Variants in DAAM2 observed in about 807,000 individuals in gnomAD.
DAAM2 encodes disheveled-associated activator of morphogenesis 2.
A neutral mutation model predicts 120.7 loss-of-function variants in DAAM2; 39 were observed. That is an observed-to-expected ratio of 0.32 (90% CI 0.25 to 0.42). DAAM2 has a LOEUF of 0.42. Ranked by LOEUF, DAAM2 falls within the 10% of genes least tolerant of loss-of-function variation. The pLI is 1.00. For synonymous variants in DAAM2, 488 were observed against 524.9 expected, an observed-to-expected ratio of 0.93 and a Z score of 0.96; for missense variants, 1,283 against 1,401.7, an observed-to-expected ratio of 0.92 and a Z score of 1.35.
chr6:39,869,780 T>TA lies in DAAM2; in HGVS notation c.874-555dup, dbSNP rs35807167. Among the ~76,000 whole-genome samples the TA allele has an allele frequency of 2.1e-3, 208 of 99,212 alleles. 3 individuals are homozygous for TA. The East Asian group carries it at 0.024, about 11-fold the overall frequency. The allele number at this position is 99,212 out of a possible 152,430, so 65.1% of individuals were successfully genotyped here. The stretch of plus-strand genomic sequence containing the variant: ...TTTTTTTTTTTTTTTTTTTTTTTTT[T>TA]AAAAACAATTTATCTTTATGCCCTG... On this transcript the variant is annotated intron_variant, in intron 7 of 24. Coordinates refer to ENST00000274867, the MANE Select transcript of DAAM2 (RefSeq NM_001201427.2).
chr6:39,829,469 G>C lies in DAAM2; in HGVS notation c.-56-26778G>C, dbSNP rs921148423. On this transcript the variant is annotated intron_variant, in intron 1 of 24. Transcript: ENST00000274867. ...GGGTGATGGACAGAACCCCATGGTT[G>C]GTTCCCTCTTAAGAGGCTTGTGTTG... 9.2e-5 allele frequency among the ~76,000 whole-genome samples: 14 copies of C among 152,178 alleles called. No homozygotes were observed. In the East Asian group the frequency reaches 2.5e-3, roughly 27 times the overall value.
At chr6:39,811,513 A>C (rs1762161566) in intron 1 of DAAM2, among the ~76,000 whole-genome samples, 1 of 151,980 alleles carries the variant, frequency 6.6e-6, no homozygotes, top group Non-Finnish European at 1.5e-5. Context: ...GGCAACACCA[A>C]ATGGCAACCC....
intron 16 of DAAM2, chr6:39,888,468 C>T (rs1304173225): frequency 9.1e-6 from 4 of 439,380 alleles, no homozygotes; most frequent in South Asian, 9.6e-5. Context: ...GAGACCCTCA[C>T]GTCTCTATTT....
intron 7 of DAAM2, among the ~76,000 whole-genome samples, chr6:39,869,341 T>C (rs138181021): frequency 1.3e-5 from 2 of 152,184 alleles, no homozygotes; most frequent in African/African-American, 4.8e-5. Context: ...TCCCAGCACT[T>C]TGAGAGGCCT....
In DAAM2 at chr6:39,903,949, C is replaced by T. The variant is rs117022372; in HGVS notation, c.*1912C>T. 36 of 346,954 alleles carry T rather than the reference C, an allele frequency of 1.0e-4. No individual in the cohort carries two copies. The East Asian group carries it at 2.5e-3, about 24-fold the overall frequency. 21.5% of individuals were successfully genotyped at this position (346,954 alleles called of 1,614,324 possible). On this transcript the variant is annotated 3_prime_UTR_variant, in exon 25 of 25. Coordinates refer to ENST00000274867, the MANE Select transcript of DAAM2 (RefSeq NM_001201427.2). The stretch of plus-strand genomic sequence containing the variant: ...CAGCTGCAGAGAGTTTGGCTATATG[C>T]ATCTGCAGCCCCAAGAGCTCCCACT...
At chr6:39,826,569 C>T (rs1189560986) in intron 1 of DAAM2, among the ~76,000 whole-genome samples, 2 of 152,148 alleles carry the variant, frequency 1.3e-5, no homozygotes, top group Non-Finnish European at 2.9e-5. Context: ...GAGAACATAT[C>T]CAATTTGCCT....
chr6:39,809,791 C>G (rs1561996823), intron 1 of DAAM2, among the ~76,000 whole-genome samples: 2 of 152,198 alleles, frequency 1.3e-5, no homozygotes, highest in South Asian at 4.1e-4. Context: ...AATTTATATT[C>G]AGCTATAGCC....
rs1766602593 is a variant in DAAM2 at position 39,903,472 on chromosome 6, T to C, written c.*1435T>C. 6.6e-6 allele frequency: 1 copy of C among 152,280 alleles called. No homozygotes were observed. The highest frequency in any genetic ancestry group is 6.5e-5 in the Admixed American group (1 of 15,286). The allele number at this position is 152,280 out of a possible 1,614,324, so 9.4% of individuals were successfully genotyped here. ...TGCTGGCCTTGGTGGATGGGATGGC[T>C]GTATCTAGACAAAATTTTTCTAAAA... On this transcript the variant is annotated 3_prime_UTR_variant, in exon 25 of 25. Coordinates refer to ENST00000274867, the MANE Select transcript of DAAM2 (RefSeq NM_001201427.2).
At chr6:39,792,920 T>TC (rs1167418750) in intron 1 of DAAM2, 1 of 152,128 alleles carries the variant, frequency 6.6e-6, no homozygotes, top group Non-Finnish European at 1.5e-5. Flanking sequence ...AGCCCCCAGC[T>TC]CCCACTTGCA....
At position 39,864,895 on chromosome 6, in the gene DAAM2, G is replaced by A. The variant is rs1434690927; in HGVS notation, c.334-85G>A. The A allele has an allele frequency of 1.6e-5, 24 of 1,520,672 alleles. No individual in the cohort carries two copies. The South Asian group carries it at 2.9e-4, about 18-fold the overall frequency. The allele number at this position is 1,520,672 out of a possible 1,614,324, so 94.2% of individuals were successfully genotyped here. On this transcript the variant is annotated intron_variant, in intron 4 of 24. Transcript: ENST00000274867. ...TTCCCTGAGGCCTCACCCTTTCTGA[G>A]GCAAGCATGGCCCCTGGGTCACACC... is the stretch of plus-strand genomic sequence containing the variant.
intron 22 of DAAM2, 39 bp from the exon 23 acceptor site, chr6:39,900,038 T>A (rs1261091876): frequency 6.3e-7 from 1 of 1,583,386 alleles, no homozygotes; most frequent in African/African-American, 1.3e-5. Flanking sequence ...ACTCTCATCT[T>A]GGCACCAGTC....
At chr6:39,856,161 G>A (rs1341520672) in intron 1 of DAAM2, 86 bp from the exon 2 acceptor site, 2 of 1,280,846 alleles carry the variant, frequency 1.6e-6, no homozygotes, top group East Asian at 3.1e-5. Flanking sequence ...CAACCTGTGG[G>A]ACAGAGGTTA....
intron 11 of DAAM2, among the ~76,000 whole-genome samples, chr6:39,877,840 T>C (rs1764932737): frequency 6.6e-6 from 1 of 152,222 alleles, no homozygotes; most frequent in Non-Finnish European, 1.5e-5. Flanking sequence ...AAACCTATTT[T>C]ACAAGGAGGT....
chr6:39,824,415 G>A (rs1405685735), intron 1 of DAAM2, among the ~76,000 whole-genome samples: 1 of 152,144 alleles, frequency 6.6e-6, no homozygotes, highest in African/African-American at 2.4e-5. Context: ...ACCTGAACCT[G>A]CCCCAGGCCC....
chr6:39,820,496 A>T (rs1762453926), intron 1 of DAAM2: 2 of 152,184 alleles, frequency 1.3e-5, no homozygotes, highest in Admixed American at 1.3e-4. Flanking sequence ...TCCACGTAGA[A>T]TACATTTATC....
intron 1 of DAAM2, among the ~76,000 whole-genome samples, chr6:39,814,267 C>T (rs1762247345): frequency 6.6e-6 from 1 of 150,540 alleles, no homozygotes; most frequent in African/African-American, 2.4e-5. Flanking sequence ...TCTTCTTCTT[C>T]CAGTGTGGCC....
chr6:39,810,195 A>G (rs1434395825), intron 1 of DAAM2, among the ~76,000 whole-genome samples: 1 of 152,164 alleles, frequency 6.6e-6, no homozygotes, highest in Non-Finnish European at 1.5e-5. Context: ...GAAGCTGAAC[A>G]TTTTTTAATT....
chr6:39,873,848 G>A (rs1277398045), intron 10 of DAAM2, among the ~76,000 whole-genome samples: 1 of 152,148 alleles, frequency 6.6e-6, no homozygotes, highest in Non-Finnish European at 1.5e-5. Context: ...AGCATCTATG[G>A]GAGCAGATGG....
chr6:39,879,099 G>A, intron 13 of DAAM2, 79 bp from the exon 14 acceptor site: 1 of 907,490 alleles, frequency 1.1e-6, no homozygotes, highest in East Asian at 2.7e-5. Flanking sequence ...GAAACTAGAA[G>A]GAGAGGAATC....
Sources: allele counts gnomAD v4.1 joint callset (sites outside exome capture counted in the v4.1 genomes callset), GRCh38; gene constraint gnomAD v4.1.1; transcripts MANE v1.5; gene names NCBI Gene and HGNC (gene_info 2026-07-23, HGNC 2026-07-21).